DMD: variants seen among roughly 807,000 people sequenced by gnomAD.
DMD encodes the protein dystrophin.
Under a neutral mutation model 330.1 loss-of-function variants are expected in DMD, and 63 were observed. The ratio of observed to expected loss-of-function variants is 0.19; its 90% CI spans 0.16 to 0.24. DMD has a LOEUF of 0.24. DMD is among the 10% of genes least tolerant of loss of function. The probability of loss-of-function intolerance (pLI) is 1.00; values close to 1 mark genes in which losing one functional copy is unlikely to be tolerated. For synonymous variants in DMD, 1,223 were observed against 959.8 expected (o/e 1.27, Z -5.07); for missense variants, 3,344 against 2,684.1 (o/e 1.25, Z -5.43).
intron 44 of DMD, among the ~76,000 whole-genome samples, chrX:32,156,631 T>TACAC (rs747490085): frequency 0.018 from 1,720 of 94,005 alleles, 27 homozygotes; most frequent in Admixed American, 0.049. Context: ...GACAAAAGGA[T>TACAC]ACACACACAC....
intron 20 of DMD, among the ~76,000 whole-genome samples, chrX:32,487,480 C>T (rs1402442651): frequency 1.8e-5 from 2 of 110,586 alleles, no homozygotes; most frequent in African/African-American, 3.3e-5. Flanking sequence ...CAATTCTGAA[C>T]GAATTGAAAT....
At position 32,961,784 on chromosome X, in the gene DMD, T is replaced by C. The variant is rs143373405; in HGVS notation, c.93+58355A>G. 6.5e-4 allele frequency among the ~76,000 whole-genome samples: 73 copies of C among 111,772 alleles called. No individual in the cohort carries two copies. The East Asian group carries it at 0.015, about 23-fold the overall frequency. ...CTATGTACATCTAGGCATAAGATTTTCTCAGCTGTTAAAGCTCGTCTCGTT... is the reference window on the plus strand; with the variant it reads ...CTATGTACATCTAGGCATAAGATTTCCTCAGCTGTTAAAGCTCGTCTCGTT... On this transcript the variant is annotated intron_variant, in intron 2 of 78. Transcript: ENST00000357033.
intron 55 of DMD, among the ~76,000 whole-genome samples, chrX:31,618,852 C>T (rs1603427734): frequency 9.0e-6 from 1 of 110,813 alleles, no homozygotes; most frequent in East Asian, 2.8e-4. Flanking sequence ...AGCAAGTAAT[C>T]CAAAATCTGA....
At chrX:33,085,313 T>A (rs886830762) in intron 1 of DMD, among the ~76,000 whole-genome samples, 2 of 111,629 alleles carry the variant, frequency 1.8e-5, no homozygotes, top group East Asian at 5.6e-4. Flanking sequence ...TACAAAGATA[T>A]AATTCAGTAT....
Position 32,343,080 on chromosome X carries a change from G to T in DMD, c.5739+54C>A. 4 of 1,100,717 alleles carry T rather than the reference G, an allele frequency of 3.6e-6. No individual in the cohort carries two copies. The South Asian group carries it at 5.5e-5, about 15-fold the overall frequency. 90.7% of individuals were successfully genotyped at this position (1,100,717 alleles called of 1,213,427 possible). On this transcript the variant is annotated intron_variant, in intron 40 of 78. Transcript: ENST00000357033. ...CAACATTTTAAATATGATCTTCACA[G>T]GTTAATTAAACTGTATAATAAAATC...
intron 51 of DMD, among the ~76,000 whole-genome samples, chrX:31,747,434 T>G: frequency 9.0e-6 from 1 of 111,538 alleles, no homozygotes; most frequent in Middle Eastern, 4.6e-3. Context: ...ATGACAGCTT[T>G]TAAAGGAAGG....
chrX:32,613,104 G>C (rs1442495588), intron 12 of DMD, among the ~76,000 whole-genome samples: 1 of 111,692 alleles, frequency 9.0e-6, no homozygotes, highest in Admixed American at 9.5e-5. Context: ...ATCATAAGTA[G>C]AGTTGCCAGA....
intron 2 of DMD, among the ~76,000 whole-genome samples, chrX:32,873,953 T>C (rs963208087): frequency 8.9e-6 from 1 of 112,100 alleles, no homozygotes; most frequent in African/African-American, 3.2e-5. Context: ...AACATTTGTT[T>C]GCACATGAAA....
At chrX:32,610,500 G>A (rs1569303079) in intron 12 of DMD, among the ~76,000 whole-genome samples, 1 of 111,347 alleles carries the variant, frequency 9.0e-6, no homozygotes, top group Non-Finnish European at 1.9e-5. Flanking sequence ...AGATAGCAAA[G>A]GATCCTGTCA....
chrX:32,938,917 G>C (rs1212583565), intron 2 of DMD, among the ~76,000 whole-genome samples: 4 of 110,189 alleles, frequency 3.6e-5, no homozygotes, highest in Non-Finnish European at 7.6e-5. Flanking sequence ...AATCCCTGAG[G>C]ATATCCGACA....
chrX:31,178,612 G>T (rs2040812521), intron 70 of DMD, 57 bp downstream of exon 70: 2 of 1,170,656 alleles, frequency 1.7e-6, no homozygotes, highest in African/African-American at 3.5e-5. Flanking sequence ...GTGTTCAGCT[G>T]AGAGGAGTTC....
intron 1 of DMD, among the ~76,000 whole-genome samples, chrX:33,194,832 T>C (rs1381220133): frequency 9.0e-6 from 1 of 111,681 alleles, no homozygotes; most frequent in Non-Finnish European, 1.9e-5. Flanking sequence ...TTTTTAAAAA[T>C]TCATTATTAC....
intron 37 of DMD, among the ~76,000 whole-genome samples, chrX:32,349,494 C>T (rs923809935): frequency 3.6e-5 from 4 of 110,969 alleles, no homozygotes; most frequent in African/African-American, 1.3e-4. Flanking sequence ...CAGGAATGAC[C>T]CCCGTGTCTT....
chrX:31,298,680 T>C (rs1229527104), intron 62 of DMD, among the ~76,000 whole-genome samples: 2 of 112,152 alleles, frequency 1.8e-5, no homozygotes, highest in African/African-American at 6.5e-5. Flanking sequence ...AATATTTTCA[T>C]GAATACAGAC....
chrX:32,686,598 G>GA (rs1264896376), intron 9 of DMD, among the ~76,000 whole-genome samples: 1 of 82,693 alleles, frequency 1.2e-5, no homozygotes, highest in Non-Finnish European at 2.4e-5. Context: ...GAAAAGAAAA[G>GA]AAAGAAATGT....
intron 2 of DMD, among the ~76,000 whole-genome samples, chrX:32,981,564 C>A (rs1325961760): frequency 1.8e-5 from 2 of 111,564 alleles, no homozygotes; most frequent in African/African-American, 3.3e-5. Flanking sequence ...AATCCCCTAG[C>A]ATTTGCAAGA....
In DMD at chrX:31,266,987, G is replaced by C. The variant is rs1244072107; in HGVS notation, c.9225-5971C>G. On this transcript the variant is annotated intron_variant, in intron 62 of 78. Transcript: ENST00000357033. The stretch of plus-strand genomic sequence containing the variant: ...CCGGCGCGGGCGGGCCGGGGAGGGG[G>C]CGCTGCGGGCAGACGGGGCGGGGCC... The C allele has an allele frequency of 1.6e-5, 14 of 853,554 alleles. No individual in the cohort carries two copies. In the East Asian group the frequency reaches 4.7e-4, roughly 29 times the overall value. 70.3% of individuals were successfully genotyped at this position (853,554 alleles called of 1,213,427 possible).
intron 20 of DMD, among the ~76,000 whole-genome samples, chrX:32,490,241 C>T (rs1337090349): frequency 8.9e-6 from 1 of 111,867 alleles, no homozygotes; most frequent in Non-Finnish European, 1.9e-5. Flanking sequence ...TATCACTAAA[C>T]GTTCATCCTG....
intron 7 of DMD, among the ~76,000 whole-genome samples, chrX:32,762,479 C>T (rs1420613925): frequency 1.8e-5 from 2 of 111,324 alleles, no homozygotes; most frequent in South Asian, 7.6e-4. Flanking sequence ...GATAATCAAA[C>T]AAGGTAATTT....
Sources: gnomAD v4.1 joint callset for allele counts (sites outside exome capture counted in the v4.1 genomes callset) on GRCh38, gnomAD v4.1.1 for gene constraint, MANE v1.5 for transcripts, NCBI Gene and HGNC (gene_info 2026-07-23, HGNC 2026-07-21) for gene names.